Variants in SEC23A observed in about 807,000 individuals in gnomAD.
SEC23A encodes the protein protein transport protein Sec23A.
A neutral mutation model predicts 103.7 loss-of-function variants in SEC23A; 56 were observed. The observed-to-expected ratio is 0.54, with a 90% CI of 0.44 to 0.67. The LOEUF is 0.67. Ranked by LOEUF, SEC23A falls within the 30% of genes least tolerant of loss-of-function variation. The pLI, the probability that SEC23A is intolerant of heterozygous loss-of-function variation, is 0.00. For missense variants in SEC23A, 784 were observed against 936.4 expected (o/e 0.84, Z 2.12); for synonymous variants, 281 against 293.0 (o/e 0.96, Z 0.42).
intron 6 of SEC23A, 114 bp downstream of exon 6, chr14:39,086,815 T>C (rs1296255178): frequency 5.7e-6 from 4 of 697,394 alleles, no homozygotes; most frequent in Admixed American, 4.5e-5. Context: ...TACAATTTAC[T>C]TATATTCCTA....
rs567258449 is a variant in SEC23A, at chr14:39,050,140, T to C, written c.1660-1411A>G. 2.0e-5 allele frequency among the ~76,000 whole-genome samples: 3 copies of C among 152,228 alleles called. No individual in the cohort carries two copies. In the East Asian group the frequency reaches 5.8e-4, roughly 30 times the overall value. On this transcript the variant is annotated intron_variant, in intron 14 of 19. Transcript: ENST00000307712. Reference sequence around the variant, plus strand: ...TGAGTCACGAGGAGCAGTCCTTATTTACAACCCAACCAAAACACTAATACC... The same window carrying C: ...TGAGTCACGAGGAGCAGTCCTTATTCACAACCCAACCAAAACACTAATACC...
chr14:39,084,686 T>C (rs1437499990), intron 7 of SEC23A, among the ~76,000 whole-genome samples: 1 of 152,210 alleles, frequency 6.6e-6, no homozygotes, highest in Non-Finnish European at 1.5e-5. Context: ...TTTTTGTTTT[T>C]TGAGACGGAG....
intron 14 of SEC23A, among the ~76,000 whole-genome samples, chr14:39,050,888 T>C (rs1360105929): frequency 1.3e-5 from 2 of 152,142 alleles, no homozygotes; most frequent in Admixed American, 6.5e-5. Flanking sequence ...GGACTGAGAA[T>C]AGAGGCAGTA....
chr14:39,090,052 T>C (rs1350978385), intron 5 of SEC23A, among the ~76,000 whole-genome samples: 2 of 152,212 alleles, frequency 1.3e-5, no homozygotes. Flanking sequence ...CCTCCCCATT[T>C]AAACCTGCAA....
chr14:39,096,338 C>CT lies in SEC23A; in HGVS notation c.-21-200dup, dbSNP rs531031374. 4.1e-3 allele frequency among the ~76,000 whole-genome samples: 631 copies of CT among 152,186 alleles called. 1 individual carries two copies. The highest frequency in any genetic ancestry group is 0.014 in the African/African-American group (580 of 41,522). ...CTGAGGTCGGGAGTTCGAGACCAGC[C>CT]TGACCAACACGAAGAAACCCCGTCT... On this transcript the variant is annotated intron_variant, in intron 1 of 19. Transcript: ENST00000307712.
chr14:39,045,376 GTGTTTACTA>G (rs1566482985), intron 15 of SEC23A, 52 bp from the exon 16 acceptor site: 1 of 1,399,246 alleles, frequency 7.1e-7, no homozygotes, highest in East Asian at 2.3e-5. Flanking sequence ...ATTAAAACAG[GTGTTTACTA>G]TTAGCAAAAA....
Position 39,032,652 on chromosome 14 carries a change from C to A in SEC23A, c.*587G>T, listed in dbSNP as rs1885339758. ...AAAAAACCTTTCATCTCTAAACTAT[C>A]TTTCCAAATAACCAAAAACATTATC... On this transcript the variant is annotated 3_prime_UTR_variant, in exon 20 of 20. Coordinates refer to ENST00000307712, the MANE Select transcript of SEC23A (RefSeq NM_006364.4). 1 of 152,592 alleles carries A rather than the reference C, an allele frequency of 6.6e-6. No individual in the cohort carries two copies. The highest frequency in any genetic ancestry group is 1.5e-5 in the Non-Finnish European group (1 of 68,030). 9.5% of individuals were successfully genotyped at this position (152,592 alleles called of 1,614,324 possible).
At chr14:39,054,739 C>A (rs1259343116) in intron 14 of SEC23A, among the ~76,000 whole-genome samples, 2 of 152,016 alleles carry the variant, frequency 1.3e-5, no homozygotes, top group Non-Finnish European at 2.9e-5. Context: ...CCATTCCTGG[C>A]CTAATTTCTT....
chr14:39,074,376 G>A, intron 9 of SEC23A, 39 bp downstream of exon 9: 2 of 1,264,552 alleles, frequency 1.6e-6, no homozygotes, highest in Non-Finnish European at 2.3e-6. Context: ...GTCATCATTT[G>A]CTTATAATTA....
Position 39,094,389 on chromosome 14 carries a change from CACACACACATATATATATATATAT to C in SEC23A, c.222-1169_222-1146del, listed in dbSNP as rs1188742182. ...ATATATATATACACACACACACACA[CACACACACATATATATATATATAT>C]ATATATATATATATATATATATATA... On this transcript the variant is annotated intron_variant, in intron 2 of 19. Transcript: ENST00000307712. Among the ~76,000 whole-genome samples, 15 of 50,210 alleles carry C rather than the reference CACACACACATATATATATATATAT, an allele frequency of 3.0e-4. 2 individuals are homozygous for C. Among genetic ancestry groups the C allele is most frequent in the South Asian group, 7.1e-4 (1 of 1,402 alleles). The allele number at this position is 50,210 out of a possible 152,430, so 32.9% of individuals were successfully genotyped here. A position where few individuals can be genotyped will look rare whatever the true frequency, so the allele number is the denominator to read the frequency against.
chr14:39,059,308 A>AAAAAAAAAAAAAAAC, intron 13 of SEC23A, among the ~76,000 whole-genome samples: 1 of 107,582 alleles, frequency 9.3e-6, no homozygotes. Flanking sequence ...AAAAAAAAAA[A>AAAAAAAAAAAAAAAC]AACAACAAGG....
intron 2 of SEC23A, among the ~76,000 whole-genome samples, chr14:39,095,566 G>C (rs570374781): frequency 6.6e-6 from 1 of 152,060 alleles, no homozygotes; most frequent in Non-Finnish European, 1.5e-5. Flanking sequence ...CAAAGTGCTG[G>C]GATTACAGGC....
intron 5 of SEC23A, among the ~76,000 whole-genome samples, chr14:39,088,950 C>T (rs894127536): frequency 6.6e-6 from 1 of 151,724 alleles, no homozygotes; most frequent in Non-Finnish European, 1.5e-5. Flanking sequence ...AGGCAGATCA[C>T]GAGGTCAGGA....
At position 39,040,898 on chromosome 14, in the gene SEC23A, A is replaced by G; in HGVS notation, c.1987-11T>C. 2 of 1,606,708 alleles carry G rather than the reference A, an allele frequency of 1.2e-6. No homozygotes were observed. The highest frequency in any genetic ancestry group is 2.2e-5 in the South Asian group (2 of 90,020). On this transcript the variant is annotated splice_polypyrimidine_tract_variant and intron_variant, in intron 17 of 19. Transcript: ENST00000307712. ...CCACTGTGCTATGGTCTAATTTTAAAACAATTAAAGAAATTACTTTAAATT... is the reference window on the plus strand; with the variant it reads ...CCACTGTGCTATGGTCTAATTTTAAGACAATTAAAGAAATTACTTTAAATT...
chr14:39,042,130 A>C lies in SEC23A; in HGVS notation c.1986+656T>G, dbSNP rs569142174. 4.6e-5 allele frequency among the ~76,000 whole-genome samples: 7 copies of C among 152,324 alleles called. No homozygotes were observed. In the South Asian group the frequency reaches 1.4e-3, roughly 32 times the overall value. ...CATTTACAATTAAAGCAACTGAAAA[A>C]ATAAATCTGCAGAACTTAGTAAAAC... is the stretch of plus-strand genomic sequence containing the variant. On this transcript the variant is annotated intron_variant, in intron 17 of 19. Transcript: ENST00000307712.
At chr14:39,048,361 C>G (rs888728224) in intron 15 of SEC23A, among the ~76,000 whole-genome samples, 1 of 152,018 alleles carries the variant, frequency 6.6e-6, no homozygotes, top group Non-Finnish European at 1.5e-5. Flanking sequence ...ATGTGGCAAT[C>G]TTAGCACTTT....
chr14:39,079,361 C>T (rs1392815593), intron 7 of SEC23A, among the ~76,000 whole-genome samples: 1 of 152,120 alleles, frequency 6.6e-6, no homozygotes, highest in Admixed American at 6.5e-5. Context: ...TGTGTATAAT[C>T]GCTCTACTTT....
intron 17 of SEC23A, 143 bp from the exon 18 acceptor site, chr14:39,041,030 A>G: frequency 1.3e-6 from 1 of 789,594 alleles, no homozygotes; most frequent in East Asian, 2.9e-5. Flanking sequence ...AAAAGTTACA[A>G]TTTCAGTAGA....
At chr14:39,039,396 T>C (rs1390185719) in intron 18 of SEC23A, 2 of 301,644 alleles carry the variant, frequency 6.6e-6, no homozygotes, top group Admixed American at 4.8e-5. Context: ...GGTGTGAAAT[T>C]ACTAAACACT....
Sources: gnomAD v4.1 joint callset for allele counts (sites outside exome capture counted in the v4.1 genomes callset) on GRCh38, gnomAD v4.1.1 for gene constraint, MANE v1.5 for transcripts, NCBI Gene and HGNC (gene_info 2026-07-23, HGNC 2026-07-21) for gene names.